Variants in STK33 observed in about 807,000 individuals in gnomAD.
STK33 encodes serine/threonine-protein kinase 33.
In STK33, 52 loss-of-function variants were observed where a neutral mutation model predicts 58.0. The observed-to-expected ratio is 0.90, with a 90% CI of 0.72 to 1.13. The LOEUF (loss-of-function observed/expected upper bound fraction) is 1.13, where lower values mean the gene tolerates loss of function less well. Among genes scored for constraint, STK33 ranks in the 50% most tolerant of loss-of-function variants. The probability of loss-of-function intolerance (pLI) is 0.00; values close to 1 mark genes in which losing one functional copy is unlikely to be tolerated. For synonymous variants in STK33, 215 were observed against 200.1 expected (o/e 1.07, Z -0.63); for missense variants, 630 against 604.2 (o/e 1.04, Z -0.45).
At chr11:8,552,360 G>A (rs908361403) in intron 1 of STK33, among the ~76,000 whole-genome samples, 11 of 152,108 alleles carry the variant, frequency 7.2e-5, no homozygotes, top group African/African-American at 2.7e-4. Flanking sequence ...ATTTTTGTAG[G>A]GAGAGTGATG....
At chr11:8,472,072 G>A (rs774799024) in intron 6 of STK33, among the ~76,000 whole-genome samples, 8 of 152,084 alleles carry the variant, frequency 5.3e-5, no homozygotes, top group South Asian at 2.1e-4. Flanking sequence ...GACTACAGCC[G>A]AATGCCTCTA....
chr11:8,394,097 C>T (rs553128021), intron 15 of STK33, among the ~76,000 whole-genome samples: 14 of 152,056 alleles, frequency 9.2e-5, no homozygotes, highest in Non-Finnish European at 1.6e-4. Flanking sequence ...TCTTTTCCCC[C>T]CTAAGCAAAC....
the STK33 span, among the ~76,000 whole-genome samples, chr11:8,353,891 T>C: frequency 6.6e-6 from 1 of 152,158 alleles, no homozygotes; most frequent in Non-Finnish European, 1.5e-5. Flanking sequence ...ACTCTAGCAG[T>C]GGCATTCCCA....
intron 14 of STK33, among the ~76,000 whole-genome samples, chr11:8,434,814 G>A (rs544680723): frequency 1.3e-5 from 2 of 152,250 alleles, no homozygotes; most frequent in East Asian, 1.9e-4. Context: ...TGACCATCAC[G>A]ATAACTAGCA....
chr11:8,354,316 A>C, the STK33 span, among the ~76,000 whole-genome samples: 1 of 151,628 alleles, frequency 6.6e-6, no homozygotes, highest in Non-Finnish European at 1.5e-5. Flanking sequence ...TCCCTTCCTC[A>C]TTCCTCCTCA....
chr11:8,416,484 A>C (rs941919001), intron 14 of STK33, among the ~76,000 whole-genome samples: 13 of 152,304 alleles, frequency 8.5e-5, no homozygotes, highest in Non-Finnish European at 1.8e-4. Context: ...TTTGACAAAA[A>C]GGTAAAGGGC....
intron 1 of STK33, among the ~76,000 whole-genome samples, chr11:8,534,100 A>G (rs1013706026): frequency 1.3e-5 from 2 of 151,768 alleles, no homozygotes; most frequent in African/African-American, 4.8e-5. Context: ...CATGGTGAAA[A>G]CCCGTCTCTA....
chr11:8,558,355 G>C (rs1303568997), intron 1 of STK33, among the ~76,000 whole-genome samples: 1 of 151,950 alleles, frequency 6.6e-6, no homozygotes, highest in South Asian at 2.1e-4. Context: ...ACTTACGGGG[G>C]AAATGTAGCT....
the STK33 span, among the ~76,000 whole-genome samples, chr11:8,357,041 G>A: frequency 6.6e-6 from 1 of 152,198 alleles, no homozygotes; most frequent in Non-Finnish European, 1.5e-5. Context: ...GAGGTCCTGG[G>A]TGCCCAAGCC....
intron 1 of STK33, among the ~76,000 whole-genome samples, chr11:8,578,371 G>A (rs575648521): frequency 2.0e-5 from 3 of 151,922 alleles, no homozygotes; most frequent in East Asian, 3.9e-4. Context: ...CCCTTCAATA[G>A]GGAACTATTT....
intron 14 of STK33, among the ~76,000 whole-genome samples, chr11:8,415,434 T>C (rs1425960112): frequency 6.6e-6 from 1 of 152,158 alleles, no homozygotes. Flanking sequence ...GTATCACTTC[T>C]GGGTGAAAAC....
the STK33 span, among the ~76,000 whole-genome samples, chr11:8,373,205 T>C: frequency 6.6e-6 from 1 of 152,130 alleles, no homozygotes; most frequent in South Asian, 2.1e-4. Flanking sequence ...ACGCGAGGCC[T>C]CTGAAGGCTT....
intron 11 of STK33, among the ~76,000 whole-genome samples, chr11:8,452,272 T>G (rs1211375441): frequency 6.6e-6 from 1 of 152,096 alleles, no homozygotes; most frequent in African/African-American, 2.4e-5. Flanking sequence ...ATAATTAAGT[T>G]TGGGGTATGA....
chr11:8,591,729 G>GC (rs1053165062), intron 1 of STK33, among the ~76,000 whole-genome samples: 16 of 151,330 alleles, frequency 1.1e-4, no homozygotes, highest in Non-Finnish European at 2.4e-4. Context: ...GCAAACTATC[G>GC]CAAGGACAAA....
chr11:8,538,008 G>A (rs928874003), intron 1 of STK33, among the ~76,000 whole-genome samples: 4 of 151,780 alleles, frequency 2.6e-5, no homozygotes, highest in East Asian at 1.9e-4. Flanking sequence ...GCAACATGGC[G>A]AAACCTCGTC....
intron 5 of STK33, among the ~76,000 whole-genome samples, chr11:8,474,009 C>T (rs1052256616): frequency 6.6e-6 from 1 of 152,028 alleles, no homozygotes; most frequent in African/African-American, 2.4e-5. Context: ...CCCCTCTCTA[C>T]TAAAAATACA....
At chr11:8,571,208 CAT>C (rs2141128369) in intron 1 of STK33, among the ~76,000 whole-genome samples, 1 of 152,280 alleles carries the variant, frequency 6.6e-6, no homozygotes, top group Non-Finnish European at 1.5e-5. Context: ...GGAGCATGCA[CAT>C]GAGTCTCGGC....
intron 15 of STK33, among the ~76,000 whole-genome samples, chr11:8,410,158 T>A (rs1021001354): frequency 7.2e-5 from 11 of 152,318 alleles, no homozygotes; most frequent in Admixed American, 7.2e-4. Flanking sequence ...AAAATTTTTA[T>A]CCCACTCACT....
At chr11:8,548,546 C>T (rs1956098305) in intron 1 of STK33, among the ~76,000 whole-genome samples, 1 of 152,104 alleles carries the variant, frequency 6.6e-6, no homozygotes, top group African/African-American at 2.4e-5. Context: ...AAGTGTGATG[C>T]CCTCAACTGT....
Sources: gnomAD v4.1 joint callset for allele counts (sites outside exome capture counted in the v4.1 genomes callset) on GRCh38, gnomAD v4.1.1 for gene constraint, MANE v1.5 for transcripts, NCBI Gene and HGNC (gene_info 2026-07-23, HGNC 2026-07-21) for gene names.